The following OSBPL8 variants were observed in gnomAD, a reference collection of about 807,000 sequenced individuals.
The protein encoded by OSBPL8 is oxysterol-binding protein-related protein 8.
Under a neutral mutation model 125.5 loss-of-function variants are expected in OSBPL8, and 59 were observed. The observed-to-expected ratio is 0.47, with a 90% CI of 0.38 to 0.58. The LOEUF (loss-of-function observed/expected upper bound fraction) is 0.58. Ranked by LOEUF, OSBPL8 falls within the 20% of genes least tolerant of loss-of-function variation. The pLI is 0.00. For missense variants in OSBPL8, 758 were observed against 1,047.8 expected, an observed-to-expected ratio of 0.72 and a Z score of 3.82; for synonymous variants, 330 against 338.9, an observed-to-expected ratio of 0.97 and a Z score of 0.29.
intron 1 of OSBPL8, among the ~76,000 whole-genome samples, chr12:76,495,944 G>C (rs1879220833): frequency 6.6e-6 from 1 of 152,072 alleles, no homozygotes; most frequent in Non-Finnish European, 1.5e-5. Context: ...CATGTTTCTT[G>C]ATTTCAATGT....
intron 1 of OSBPL8, among the ~76,000 whole-genome samples, chr12:76,521,930 G>A (rs1157661916): frequency 6.6e-6 from 1 of 152,032 alleles, no homozygotes; most frequent in Non-Finnish European, 1.5e-5. Context: ...ACTAAAGAAG[G>A]GTTAAGATGA....
At chr12:76,512,694 A>C (rs1347101018) in intron 1 of OSBPL8, among the ~76,000 whole-genome samples, 1 of 152,166 alleles carries the variant, frequency 6.6e-6, no homozygotes, top group Non-Finnish European at 1.5e-5. Flanking sequence ...CATGAATTTT[A>C]AAATAGTTTT....
chr12:76,460,805 T>C (rs985956752), intron 2 of OSBPL8, among the ~76,000 whole-genome samples: 1 of 152,200 alleles, frequency 6.6e-6, no homozygotes, highest in Non-Finnish European at 1.5e-5. Context: ...TGCAGTAACA[T>C]ACCAAAACAA....
chr12:76,460,039 A>T (rs780535069), intron 2 of OSBPL8, 144 bp from the exon 3 acceptor site: 55 of 678,212 alleles, frequency 8.1e-5, no homozygotes, highest in Non-Finnish European at 9.3e-5. Flanking sequence ...GCACATCAAT[A>T]GTAATAACCG....
At chr12:76,448,937 C>T (rs559741931) in intron 4 of OSBPL8, among the ~76,000 whole-genome samples, 10 of 152,178 alleles carry the variant, frequency 6.6e-5, no homozygotes, top group African/African-American at 2.4e-4. Flanking sequence ...CGCTTGAACC[C>T]GGGAGATGGA....
intron 8 of OSBPL8, 132 bp downstream of exon 8, chr12:76,397,562 G>A (rs915972526): frequency 2.2e-6 from 2 of 905,536 alleles, no homozygotes; most frequent in Non-Finnish European, 3.3e-6. Flanking sequence ...CAGAATGGGG[G>A]AATAATGCAA....
intron 2 of OSBPL8, among the ~76,000 whole-genome samples, chr12:76,469,862 A>G (rs1272428728): frequency 1.3e-5 from 2 of 152,068 alleles, no homozygotes; most frequent in East Asian, 3.9e-4. Context: ...GCCTGGCACC[A>G]TTGTGGACAC....
chr12:76,514,433 G>A (rs1444661942), intron 1 of OSBPL8, among the ~76,000 whole-genome samples: 1 of 148,240 alleles, frequency 6.7e-6, no homozygotes, highest in South Asian at 2.1e-4. Flanking sequence ...TTACAAGCAT[G>A]AGCCGGCTAG....
chr12:76,557,263 CA>C (rs1251401223), intron 1 of OSBPL8, among the ~76,000 whole-genome samples: 1 of 152,124 alleles, frequency 6.6e-6, no homozygotes, highest in Non-Finnish European at 1.5e-5. Flanking sequence ...GGATTATTTA[CA>C]AACCAAAGCC....
intron 21 of OSBPL8, 27 bp downstream of exon 21, chr12:76,369,187 T>G: frequency 6.3e-7 from 1 of 1,595,012 alleles, no homozygotes; most frequent in Non-Finnish European, 8.5e-7. Flanking sequence ...TTTATATACC[T>G]AGTGTACCTA....
intron 4 of OSBPL8, among the ~76,000 whole-genome samples, chr12:76,443,478 G>T (rs1872422405): frequency 6.6e-6 from 1 of 152,056 alleles, no homozygotes; most frequent in African/African-American, 2.4e-5. Context: ...AGGAAAGGGT[G>T]AACGCGAGCC....
intron 1 of OSBPL8, among the ~76,000 whole-genome samples, chr12:76,494,945 G>C (rs1272798562): frequency 6.6e-6 from 1 of 152,120 alleles, no homozygotes; most frequent in Non-Finnish European, 1.5e-5. Flanking sequence ...CCAGGGAGTA[G>C]ATACCAAAGG....
At position 76,523,681 on chromosome 12, in the gene OSBPL8, T is replaced by A. The variant is rs141575999; in HGVS notation, c.-68+35716A>T. On this transcript the variant is annotated intron_variant, in intron 1 of 23. Coordinates refer to ENST00000261183, the MANE Select transcript of OSBPL8 (RefSeq NM_020841.5). ...TGAGGACTCAGCAAGATGACACCTG[T>A]CTGCAAGCCAGGAAGACAGCCCTCA... Among the ~76,000 whole-genome samples, 1,203 of 152,232 alleles carry A rather than the reference T, an allele frequency of 7.9e-3. 9 individuals are homozygous for A. The highest frequency in any genetic ancestry group is 0.011 in the Non-Finnish European group (735 of 68,014).
In OSBPL8 at chr12:76,530,992, C is replaced by T. The variant is rs1950323998; in HGVS notation, c.-68+28405G>A. 2.0e-5 allele frequency among the ~76,000 whole-genome samples: 3 copies of T among 152,122 alleles called. No homozygotes were observed. In the South Asian group the frequency reaches 6.2e-4, roughly 31 times the overall value. ...ATTATTTTTATTAAATGTTATAGTA[C>T]CATTGTGTTAGTCCATTCTCACACT... On this transcript the variant is annotated intron_variant, in intron 1 of 23. Coordinates refer to ENST00000261183, the MANE Select transcript of OSBPL8 (RefSeq NM_020841.5).
At chr12:76,517,147 A>G (rs1246072458) in intron 1 of OSBPL8, among the ~76,000 whole-genome samples, 6 of 152,178 alleles carry the variant, frequency 3.9e-5, no homozygotes, top group Admixed American at 1.3e-4. Context: ...GGGTGCTTAT[A>G]TAAGGGTTGG....
intron 1 of OSBPL8, among the ~76,000 whole-genome samples, chr12:76,496,786 C>G (rs1389759911): frequency 6.6e-6 from 1 of 152,278 alleles, no homozygotes; most frequent in Non-Finnish European, 1.5e-5. Flanking sequence ...AGGTGATCCA[C>G]CCGCCTCAAC....
chr12:76,364,644 T>G (rs1025457798), intron 21 of OSBPL8, among the ~76,000 whole-genome samples: 2 of 152,172 alleles, frequency 1.3e-5, no homozygotes, highest in Non-Finnish European at 1.5e-5. Flanking sequence ...GAACTTAAAG[T>G]ATAATTAAAA....
intron 1 of OSBPL8, among the ~76,000 whole-genome samples, chr12:76,533,753 A>G (rs1432079189): frequency 6.6e-6 from 1 of 152,206 alleles, no homozygotes; most frequent in Non-Finnish European, 1.5e-5. Context: ...CAAAGGACAA[A>G]TGTGATTTCA....
chr12:76,375,502 A>G (rs7132494), intron 16 of OSBPL8, 132 bp from the exon 17 acceptor site: 17 of 594,344 alleles, frequency 2.9e-5, no homozygotes, highest in African/African-American at 2.8e-4. Flanking sequence ...CAAATGAAAA[A>G]CTATAATATA....
Sources: allele counts gnomAD v4.1 joint callset (sites outside exome capture counted in the v4.1 genomes callset), GRCh38; gene constraint gnomAD v4.1.1; transcripts MANE v1.5; gene names NCBI Gene and HGNC (gene_info 2026-07-23, HGNC 2026-07-21).